The following B3GLCT variants were observed in gnomAD, a reference collection of about 807,000 sequenced individuals.
The protein encoded by B3GLCT is beta 3-glucosyltransferase, also known as beta-1,3-glucosyltransferase.
Under a neutral mutation model 63.4 loss-of-function variants are expected in B3GLCT, and 65 were observed. The observed-to-expected ratio is 1.03, with a 90% CI of 0.84 to 1.26. B3GLCT has a LOEUF of 1.26. B3GLCT is among the 50% of genes most tolerant of loss of function. The pLI is 0.00. For missense variants in B3GLCT, 577 were observed against 604.8 expected, an observed-to-expected ratio of 0.95 and a Z score of 0.48; for synonymous variants, 233 against 219.2, an observed-to-expected ratio of 1.06 and a Z score of -0.55.
At chr13:31,240,046 G>T (rs1239777045) in intron 4 of B3GLCT, among the ~76,000 whole-genome samples, 1 of 152,132 alleles carries the variant, frequency 6.6e-6, no homozygotes, top group African/African-American at 2.4e-5. Flanking sequence ...GTAGGACAGT[G>T]TTTAGAATTA....
intron 12 of B3GLCT, among the ~76,000 whole-genome samples, chr13:31,309,672 G>A (rs1566092324): frequency 6.6e-6 from 1 of 152,086 alleles, no homozygotes; most frequent in East Asian, 1.9e-4. Context: ...GGAGTGTGGA[G>A]CTTCCTTGCC....
chr13:31,207,534 A>G (rs1386191824), intron 1 of B3GLCT, among the ~76,000 whole-genome samples: 3 of 152,178 alleles, frequency 2.0e-5, no homozygotes, highest in African/African-American at 7.2e-5. Context: ...TCTTGAATAT[A>G]TATAGTTATT....
chr13:31,210,407 A>G (rs769691982), intron 1 of B3GLCT, among the ~76,000 whole-genome samples: 3 of 152,254 alleles, frequency 2.0e-5, no homozygotes, highest in Non-Finnish European at 2.9e-5. Context: ...TGAAGCAAAC[A>G]GCAAACATTG....
At position 31,329,534 on chromosome 13, in the gene B3GLCT, T is replaced by G. The variant is rs1875806573; in HGVS notation, c.1363T>G (p.Ser455Ala). 2 of 1,614,218 alleles carry G rather than the reference T, an allele frequency of 1.2e-6. No homozygotes were observed. Among genetic ancestry groups the G allele is most frequent in the South Asian group, 1.1e-5 (1 of 91,088 alleles). The change falls in exon 15 of 15, where the codon TCT becomes GCT. Residue 455 changes from serine (S) to alanine (A), a missense_variant. By Grantham distance (99) the Ser-to-Ala change is moderately conservative (BLOSUM62 1). Transcript: ENST00000343307. ...GGTGGATTACCCTAAGGACTACCTT[T>G]CTCATCAAGTTCCCATATCGTTCCA... Reference protein sequence around the residue: ...RPVDYPKDYLSHQVPISFHKH... With the variant: ...RPVDYPKDYLAHQVPISFHKH...
intron 12 of B3GLCT, among the ~76,000 whole-genome samples, chr13:31,290,282 T>C (rs913056590): frequency 6.6e-6 from 1 of 152,238 alleles, no homozygotes; most frequent in Non-Finnish European, 1.5e-5. Flanking sequence ...GCATTTGGGT[T>C]GGTTCCAAGT....
intron 1 of B3GLCT, among the ~76,000 whole-genome samples, chr13:31,210,982 A>G (rs1593246065): frequency 6.6e-6 from 1 of 152,058 alleles, no homozygotes; most frequent in East Asian, 1.9e-4. Flanking sequence ...ACCTCAAGCG[A>G]TCCTCCTGCC....
chr13:31,224,369 G>T (rs1452816793), intron 3 of B3GLCT, among the ~76,000 whole-genome samples: 1 of 152,168 alleles, frequency 6.6e-6, no homozygotes, highest in Admixed American at 6.5e-5. Context: ...ACATGGGCTT[G>T]AAACTACAAA....
intron 9 of B3GLCT, among the ~76,000 whole-genome samples, chr13:31,275,822 C>A (rs1336380898): frequency 6.6e-6 from 1 of 152,102 alleles, no homozygotes; most frequent in Non-Finnish European, 1.5e-5. Flanking sequence ...CCCCAAAACA[C>A]AGTGCAGCAT....
intron 10 of B3GLCT, among the ~76,000 whole-genome samples, chr13:31,281,986 T>A (rs1391175714): frequency 4.6e-5 from 7 of 152,246 alleles, no homozygotes; most frequent in Admixed American, 3.9e-4. Context: ...TCTGTGCAGC[T>A]GGCATTTTTA....
chr13:31,274,449 C>T (rs2093421965), intron 8 of B3GLCT, 60 bp from the exon 9 acceptor site: 2 of 1,610,176 alleles, frequency 1.2e-6, no homozygotes, highest in Admixed American at 1.7e-5. Context: ...TATTTTGTCC[C>T]TTCTTATACT....
At chr13:31,249,893 T>G (rs1871351909) in intron 6 of B3GLCT, among the ~76,000 whole-genome samples, 1 of 152,216 alleles carries the variant, frequency 6.6e-6, no homozygotes, top group African/African-American at 2.4e-5. Context: ...AAATAAACTT[T>G]GAGTACATTA....
chr13:31,200,286 C>G (rs1272796592), intron 1 of B3GLCT, 132 bp downstream of exon 1: 1 of 341,690 alleles, frequency 2.9e-6, no homozygotes, highest in Non-Finnish European at 4.1e-6. Flanking sequence ...CGCGTCCCGC[C>G]GTCCGGTCCC....
At chr13:31,262,296 A>G (rs1479752578) in intron 7 of B3GLCT, among the ~76,000 whole-genome samples, 1 of 152,230 alleles carries the variant, frequency 6.6e-6, no homozygotes, top group African/African-American at 2.4e-5. Context: ...TTAACTAGCC[A>G]GAGTGGATTA....
rs181636809 is a variant in B3GLCT, at chr13:31,226,596, T to A, written c.161-2589T>A. ...AGCGGTGAGCGCAGGATTAAGCTTT[T>A]TTTTTATTTTTATTTTTTTTTAGAG... On this transcript the variant is annotated intron_variant, in intron 3 of 14. Coordinates refer to ENST00000343307, the MANE Select transcript of B3GLCT (RefSeq NM_194318.4). 1.1e-3 allele frequency among the ~76,000 whole-genome samples: 160 copies of A among 152,030 alleles called. 3 individuals carry two copies. The East Asian group carries it at 0.012, about 11-fold the overall frequency.
chr13:31,203,808 G>A (rs1868801714), intron 1 of B3GLCT, among the ~76,000 whole-genome samples: 1 of 152,166 alleles, frequency 6.6e-6, no homozygotes, highest in Admixed American at 6.5e-5. Context: ...ACCTATTGAG[G>A]AAGTTCTTCC....
At chr13:31,289,970 A>G (rs916920765) in intron 12 of B3GLCT, among the ~76,000 whole-genome samples, 1 of 152,008 alleles carries the variant, frequency 6.6e-6, no homozygotes, top group African/African-American at 2.4e-5. Context: ...GCACTCATCA[A>G]CCCATCATCT....
chr13:31,261,179 T>TG (rs1872014757), intron 7 of B3GLCT, 97 bp downstream of exon 7: 1 of 1,420,980 alleles, frequency 7.0e-7, no homozygotes, highest in African/African-American at 1.4e-5. Flanking sequence ...GGATCTCAAA[T>TG]GAGTTTTTCA....
At chr13:31,206,849 G>A (rs1868984660) in intron 1 of B3GLCT, among the ~76,000 whole-genome samples, 1 of 152,146 alleles carries the variant, frequency 6.6e-6, no homozygotes, top group East Asian at 1.9e-4. Flanking sequence ...CAGGTCTTTT[G>A]TGTACTTGGG....
chr13:31,211,894 C>T (rs1037110047), intron 1 of B3GLCT, among the ~76,000 whole-genome samples: 9 of 152,166 alleles, frequency 5.9e-5, no homozygotes, highest in Admixed American at 2.6e-4. Flanking sequence ...ATTCTAAGGG[C>T]TAGGGACTTT....
Sources: gnomAD v4.1 joint callset for allele counts (sites outside exome capture counted in the v4.1 genomes callset) on GRCh38, gnomAD v4.1.1 for gene constraint, MANE v1.5 for transcripts, NCBI Gene and HGNC (gene_info 2026-07-23, HGNC 2026-07-21) for gene names.